Variants in CTNNA2 observed in about 807,000 individuals in gnomAD.
CTNNA2 encodes the protein catenin alpha 2, also known as catenin alpha-2.
In CTNNA2, 42 loss-of-function variants were observed where a neutral mutation model predicts 101.0. That is an observed-to-expected ratio of 0.42 (90% CI 0.32 to 0.54). The LOEUF (loss-of-function observed/expected upper bound fraction) is 0.54. CTNNA2 is among the 20% of genes least tolerant of loss of function. The pLI is 0.14. For synonymous variants in CTNNA2, 450 were observed against 456.4 expected, an observed-to-expected ratio of 0.99 and a Z score of 0.18; for missense variants, 871 against 1,223.1, an observed-to-expected ratio of 0.71 and a Z score of 4.29.
chr2:79,851,869 G>A (rs1213313726), intron 3 of CTNNA2, among the ~76,000 whole-genome samples: 1 of 149,980 alleles, frequency 6.7e-6, no homozygotes, highest in Non-Finnish European at 1.5e-5. Context: ...AGCCTCCTGA[G>A]TAGCTGGGAT....
chr2:80,079,738 C>T (rs56272312), intron 7 of CTNNA2, among the ~76,000 whole-genome samples: 5,094 of 151,406 alleles, frequency 0.034, 276 homozygotes, highest in African/African-American at 0.11. Flanking sequence ...GGCGTGAACC[C>T]GGGAGGCGGA....
At chr2:79,743,996 T>C (rs1256578763) in intron 2 of CTNNA2, among the ~76,000 whole-genome samples, 1 of 152,140 alleles carries the variant, frequency 6.6e-6, no homozygotes, top group Non-Finnish European at 1.5e-5. Flanking sequence ...GGATGTTGGT[T>C]CTCCTAGCTC....
At chr2:79,459,684 G>A (rs115586647) in intron 4 of CTNNA2, among the ~76,000 whole-genome samples, 2,218 of 152,204 alleles carry the variant, frequency 0.015, 46 homozygotes, top group African/African-American at 0.045. Flanking sequence ...AGAGCCATAA[G>A]CCCTTGAACA....
At chr2:80,413,120 C>T (rs1573980348) in intron 8 of CTNNA2, among the ~76,000 whole-genome samples, 1 of 152,142 alleles carries the variant, frequency 6.6e-6, no homozygotes, top group African/African-American at 2.4e-5. Flanking sequence ...TGACTATCAG[C>T]ACTCACAGAG....
rs180832565 is a variant in CTNNA2, at chr2:80,123,602, G to A, written c.1056+213805G>A. Reference sequence around the variant, plus strand: ...GTCTGCAGAATGCTAGTGAACAATCGTTTCTCAAATCTGACTTTCCTATTT... The same window carrying A: ...GTCTGCAGAATGCTAGTGAACAATCATTTCTCAAATCTGACTTTCCTATTT... On this transcript the variant is annotated intron_variant, in intron 7 of 18. Transcript: ENST00000402739. Among the ~76,000 whole-genome samples, 7 of 152,250 alleles carry A rather than the reference G, an allele frequency of 4.6e-5. No individual in the cohort carries two copies. In the East Asian group the frequency reaches 5.8e-4, roughly 13 times the overall value.
At chr2:79,218,664 T>C (rs1283150161) in intron 2 of CTNNA2, among the ~76,000 whole-genome samples, 1 of 152,094 alleles carries the variant, frequency 6.6e-6, no homozygotes, top group African/African-American at 2.4e-5. Flanking sequence ...TGTAGCACTA[T>C]AGGGAGGATC....
rs189594193 is a variant in CTNNA2, at chr2:80,341,374, C to T, written c.1057-51837C>T. The stretch of plus-strand genomic sequence containing the variant: ...TAATATAGAAAAGACGCTCATCACT[C>T]TAGAGCTTCCAAGCGTTTTAGAAGC... On this transcript the variant is annotated intron_variant, in intron 7 of 18. Coordinates refer to ENST00000402739, the MANE Select transcript of CTNNA2 (RefSeq NM_001282597.3). Among the ~76,000 whole-genome samples, 565 of 152,194 alleles carry T rather than the reference C, an allele frequency of 3.7e-3. 2 individuals carry two copies. Among genetic ancestry groups the T allele is most frequent in the Non-Finnish European group, 5.4e-3 (366 of 68,004 alleles).
chr2:80,035,371 G>T (rs1695580614), intron 7 of CTNNA2, among the ~76,000 whole-genome samples: 1 of 152,134 alleles, frequency 6.6e-6, no homozygotes, highest in Non-Finnish European at 1.5e-5. Context: ...AAATTGGGAA[G>T]ATTAAATGAG....
intron 7 of CTNNA2, among the ~76,000 whole-genome samples, chr2:80,212,612 C>T (rs985386332): frequency 2.0e-5 from 3 of 152,110 alleles, no homozygotes; most frequent in Admixed American, 6.6e-5. Context: ...CTGCCGGATT[C>T]GGTTTGCCAG....
intron 2 of CTNNA2, among the ~76,000 whole-genome samples, chr2:79,242,894 G>A (rs1312203713): frequency 1.3e-5 from 2 of 151,324 alleles, no homozygotes; most frequent in African/African-American, 2.4e-5. Context: ...GTTGAGGGGG[G>A]AGTATGAGGC....
At chr2:80,274,360 T>A (rs545794255) in intron 7 of CTNNA2, among the ~76,000 whole-genome samples, 1 of 152,288 alleles carries the variant, frequency 6.6e-6, no homozygotes, top group African/African-American at 2.4e-5. Context: ...ATAGCAATAG[T>A]CTTCGTGCTG....
intron 7 of CTNNA2, among the ~76,000 whole-genome samples, chr2:79,961,887 C>G (rs1220442132): frequency 6.7e-6 from 1 of 149,562 alleles, no homozygotes; most frequent in Non-Finnish European, 1.5e-5. Context: ...AGAAGTGATT[C>G]AGATGGACCT....
At chr2:80,423,666 C>G (rs920699215) in intron 9 of CTNNA2, among the ~76,000 whole-genome samples, 6 of 152,152 alleles carry the variant, frequency 3.9e-5, no homozygotes, top group African/African-American at 1.4e-4. Context: ...GCAACACACC[C>G]ACCAAGAGGG....
chr2:80,428,564 A>G (rs1015186023), intron 9 of CTNNA2, among the ~76,000 whole-genome samples: 5 of 152,174 alleles, frequency 3.3e-5, no homozygotes, highest in Non-Finnish European at 5.9e-5. Context: ...CAGTGACATA[A>G]TCAGTTGAAA....
At chr2:80,500,685 C>T (rs1687810791) in intron 9 of CTNNA2, among the ~76,000 whole-genome samples, 1 of 152,100 alleles carries the variant, frequency 6.6e-6, no homozygotes, top group South Asian at 2.1e-4. Context: ...TTTCTCTCTC[C>T]CTCCCCCTCT....
At chr2:80,162,855 A>T in intron 7 of CTNNA2, 1 of 1,596,186 alleles carries the variant, frequency 6.3e-7, no homozygotes, top group Non-Finnish European at 8.6e-7. Context: ...AGATCTCTGA[A>T]TTATCTGTGC....
At chr2:79,535,039 A>G (rs1672970996) in intron 1 of CTNNA2, among the ~76,000 whole-genome samples, 1 of 152,194 alleles carries the variant, frequency 6.6e-6, no homozygotes, top group Admixed American at 6.5e-5. Flanking sequence ...AGTATGACAT[A>G]ATTTTTAAGA....
At chr2:80,357,280 AT>A (rs139134287) in intron 7 of CTNNA2, among the ~76,000 whole-genome samples, 10 of 109,670 alleles carry the variant, frequency 9.1e-5, no homozygotes, top group Non-Finnish European at 1.5e-4. Flanking sequence ...TTTATTTTTT[AT>A]TTTTTTTTGG....
chr2:80,043,119 C>CTCCTTCCT lies in CTNNA2; in HGVS notation c.1056+133380_1056+133387dup, dbSNP rs70940072. On this transcript the variant is annotated intron_variant, in intron 7 of 18. Coordinates refer to ENST00000402739, the MANE Select transcript of CTNNA2 (RefSeq NM_001282597.3). ...TCTCTCTCTCTCTCTCTCTTTCTTT[C>CTCCTTCCT]TCCTTCCTTCCTTCCTTCCTTCCTT... Among the ~76,000 whole-genome samples the CTCCTTCCT allele has an allele frequency of 1.5e-4, 8 of 51,992 alleles. 1 individual carries two copies. The highest frequency in any genetic ancestry group is 8.3e-4 in the East Asian group (1 of 1,212). 34.1% of individuals were successfully genotyped at this position (51,992 alleles called of 152,430 possible).
Sources: gnomAD v4.1 joint callset for allele counts (sites outside exome capture counted in the v4.1 genomes callset) on GRCh38, gnomAD v4.1.1 for gene constraint, MANE v1.5 for transcripts, NCBI Gene and HGNC (gene_info 2026-07-23, HGNC 2026-07-21) for gene names.